Variants in WWOX observed in about 807,000 individuals in gnomAD.
The protein encoded by WWOX is WW domain-containing oxidoreductase.
Under a neutral mutation model 46.2 loss-of-function variants are expected in WWOX, and 69 were observed. That is an observed-to-expected ratio of 1.49 (90% CI 1.23 to 1.82). WWOX has a LOEUF of 1.82. Among genes scored for constraint, WWOX ranks in the 40% most tolerant of loss-of-function variants. The pLI, the probability that WWOX is intolerant of heterozygous loss-of-function variation, is 0.00. For missense variants in WWOX, 919 were observed against 542.6 expected (o/e 1.69, Z -6.89); for synonymous variants, 359 against 202.6 (o/e 1.77, Z -6.56).
Position 78,424,937 on chromosome 16 carries a change from C to G in WWOX, c.673C>G (p.Leu225Val), listed in dbSNP as rs376040091. The G allele has an allele frequency of 9.3e-6, 15 of 1,614,180 alleles. No homozygotes were observed. The African/African-American group carries it at 2.0e-4, about 22-fold the overall frequency. ...ALPWSLTKDGLETTFQVNHLG... is the reference protein window; with the variant it reads ...ALPWSLTKDGVETTFQVNHLG... ...ACCCTGGAGTCTCACCAAAGATGGC[C>G]TGGAGACCACCTTTCAAGTGAATCA... The change falls in exon 7 of 9, where the codon CTG (leucine) becomes GTG (valine). Residue 225 changes from leucine (L) to valine (V), a missense_variant. Coordinates refer to ENST00000566780, the MANE Select transcript of WWOX (RefSeq NM_016373.4).
intron 8 of WWOX, among the ~76,000 whole-genome samples, chr16:78,924,319 G>A (rs1275177431): frequency 2.0e-5 from 3 of 152,104 alleles, no homozygotes; most frequent in East Asian, 3.8e-4. Context: ...AGGGGGTGGG[G>A]TTGCTTTTAA....
intron 8 of WWOX, among the ~76,000 whole-genome samples, chr16:78,557,175 C>T (rs925132727): frequency 1.3e-5 from 2 of 152,126 alleles, no homozygotes; most frequent in Admixed American, 6.6e-5. Flanking sequence ...TTTGCCTCTG[C>T]TTGTTTCTGA....
chr16:79,008,827 G>GA (rs1471654006), intron 8 of WWOX, among the ~76,000 whole-genome samples: 4 of 152,168 alleles, frequency 2.6e-5, no homozygotes, highest in Non-Finnish European at 4.4e-5. Flanking sequence ...CCTGCAGCCG[G>GA]AGACCAGGGG....
At chr16:78,933,931 C>G (rs1350236942) in intron 8 of WWOX, among the ~76,000 whole-genome samples, 1 of 152,046 alleles carries the variant, frequency 6.6e-6, no homozygotes, top group East Asian at 1.9e-4. Flanking sequence ...GTGGCTCGCA[C>G]CTGTAATCCC....
rs573158250 is a variant in WWOX, at chr16:79,012,612, G to A, written c.1057-198996G>A. On this transcript the variant is annotated intron_variant, in intron 8 of 8. Transcript: ENST00000566780. ...TGGCTGAGGGCTACTCTAATGAGTG[G>A]TGCAGCTCCAAGGCAGAGAGATGGC... is the stretch of plus-strand genomic sequence containing the variant. 3.9e-5 allele frequency among the ~76,000 whole-genome samples: 6 copies of A among 152,288 alleles called. No homozygotes were observed. The South Asian group carries it at 1.2e-3, about 32-fold the overall frequency.
intron 8 of WWOX, among the ~76,000 whole-genome samples, chr16:78,483,268 C>T (rs894585250): frequency 6.6e-6 from 1 of 152,112 alleles, no homozygotes; most frequent in African/African-American, 2.4e-5. Flanking sequence ...GATTTACTCT[C>T]AAGAAAGTTG....
At chr16:78,728,622 C>G (rs1011031852) in intron 8 of WWOX, among the ~76,000 whole-genome samples, 3 of 152,172 alleles carry the variant, frequency 2.0e-5, no homozygotes, top group African/African-American at 7.2e-5. Context: ...TTTGACCTCA[C>G]AGAGCTTCTG....
chr16:78,433,701 G>A (rs1227986296), intron 8 of WWOX, among the ~76,000 whole-genome samples: 4 of 149,202 alleles, frequency 2.7e-5, no homozygotes, highest in South Asian at 2.1e-4. Context: ...CTGATCTCAC[G>A]ACCTTGGAAA....
intron 8 of WWOX, among the ~76,000 whole-genome samples, chr16:78,538,218 C>CAAAAAA (rs67413792): frequency 5.0e-5 from 3 of 60,034 alleles, no homozygotes; most frequent in Admixed American, 2.5e-4. Flanking sequence ...TCACTCACAC[C>CAAAAAA]AAAAAAAAAA....
rs149204882 is a variant in WWOX at position 78,151,707 on chromosome 16, A to C, written c.410-12476A>C. Among the ~76,000 whole-genome samples the C allele has an allele frequency of 2.6e-5, 4 of 152,252 alleles. 1 individual carries two copies. The highest frequency in any genetic ancestry group is 9.6e-5 in the African/African-American group (4 of 41,540). ...AGATAGCATTTGGTTTGTTATTTTTAGTTTCTTCCTATAGCAGGCATGTAT... is the reference window on the plus strand; with the variant it reads ...AGATAGCATTTGGTTTGTTATTTTTCGTTTCTTCCTATAGCAGGCATGTAT... On this transcript the variant is annotated intron_variant, in intron 4 of 8. Coordinates refer to ENST00000566780, the MANE Select transcript of WWOX (RefSeq NM_016373.4).
intron 8 of WWOX, among the ~76,000 whole-genome samples, chr16:79,031,767 T>G: frequency 6.9e-6 from 1 of 144,728 alleles, no homozygotes; most frequent in Non-Finnish European, 1.5e-5. Context: ...TATATATATA[T>G]AATATATAGA....
chr16:78,955,548 T>A (rs1024497423), intron 8 of WWOX, among the ~76,000 whole-genome samples: 4 of 152,242 alleles, frequency 2.6e-5, no homozygotes, highest in African/African-American at 4.8e-5. Context: ...AACTGCACTT[T>A]TTAAAACCAG....
intron 5 of WWOX, among the ~76,000 whole-genome samples, chr16:78,201,314 T>C (rs2036223206): frequency 6.6e-6 from 1 of 152,168 alleles, no homozygotes; most frequent in Non-Finnish European, 1.5e-5. Flanking sequence ...AAGGCTAAGG[T>C]TGTATTGAAA....
chr16:78,451,318 C>T (rs568178088), intron 8 of WWOX, among the ~76,000 whole-genome samples: 8 of 152,194 alleles, frequency 5.3e-5, no homozygotes, highest in Non-Finnish European at 8.8e-5. Flanking sequence ...AGTATACATT[C>T]TGCAGAACTA....
intron 5 of WWOX, among the ~76,000 whole-genome samples, chr16:78,212,350 C>T (rs1221908964): frequency 2.6e-5 from 4 of 152,204 alleles, no homozygotes; most frequent in African/African-American, 4.8e-5. Flanking sequence ...AGTCAATGGC[C>T]ATCCCCAAAT....
At chr16:79,025,392 C>G (rs1033389666) in intron 8 of WWOX, among the ~76,000 whole-genome samples, 1 of 152,194 alleles carries the variant, frequency 6.6e-6, no homozygotes, top group Non-Finnish European at 1.5e-5. Flanking sequence ...AGTTGAGGAT[C>G]TCAAAACGAG....
At chr16:78,645,418 G>T (rs1185059958) in intron 8 of WWOX, among the ~76,000 whole-genome samples, 2 of 152,142 alleles carry the variant, frequency 1.3e-5, no homozygotes, top group Non-Finnish European at 2.9e-5. Context: ...TAGTCCTTTT[G>T]TGTTGCTATA....
intron 8 of WWOX, among the ~76,000 whole-genome samples, chr16:78,782,561 C>G (rs1224784822): frequency 2.0e-5 from 3 of 152,122 alleles, no homozygotes; most frequent in African/African-American, 7.2e-5. Flanking sequence ...TTAATGCATT[C>G]CCTTCCGTCC....
intron 8 of WWOX, among the ~76,000 whole-genome samples, chr16:79,087,578 A>T (rs4888922): frequency 6.6e-6 from 1 of 151,924 alleles, no homozygotes; most frequent in Non-Finnish European, 1.5e-5. Flanking sequence ...TGTGCTGGAC[A>T]AGAAGTCCTG....
Sources: allele counts gnomAD v4.1 joint callset (sites outside exome capture counted in the v4.1 genomes callset), GRCh38; gene constraint gnomAD v4.1.1; transcripts MANE v1.5; gene names NCBI Gene and HGNC (gene_info 2026-07-23, HGNC 2026-07-21).